The following MAPK8 variants were observed in gnomAD, a reference collection of about 807,000 sequenced individuals.
MAPK8 encodes the protein JUN N-terminal kinase.
MAPK8 carries 13 observed loss-of-function variants against 52.9 expected under a neutral mutation model. That is an observed-to-expected ratio of 0.25 (90% confidence interval 0.16 to 0.39). The LOEUF (loss-of-function observed/expected upper bound fraction) is 0.39, where lower values mean the gene tolerates loss of function less well. Among genes scored for constraint, MAPK8 ranks in the 10% least tolerant of loss-of-function variants. MAPK8 has a pLI of 1.00. For synonymous variants in MAPK8, 191 were observed against 169.8 expected (o/e 1.12, Z -0.97); for missense variants, 300 against 519.2 (o/e 0.58, Z 4.10).
At chr10:48,332,067 G>T (rs1294638033) in intron 1 of MAPK8, among the ~76,000 whole-genome samples, 1 of 152,128 alleles carries the variant, frequency 6.6e-6, no homozygotes, top group Admixed American at 6.5e-5. Flanking sequence ...GGCTCCCATT[G>T]TTTGAATCAA....
chr10:48,312,784 A>C (rs1699572718), intron 1 of MAPK8, among the ~76,000 whole-genome samples: 1 of 152,182 alleles, frequency 6.6e-6, no homozygotes, highest in Non-Finnish European at 1.5e-5. Flanking sequence ...TGAGAATTTA[A>C]AAGTCTTAAT....
At position 48,404,939 on chromosome 10, in the gene MAPK8, C is replaced by G; in HGVS notation, c.210C>G (p.Ala70=). The change falls in exon 3 of 12, where the codon GCC becomes GCG. Residue 70 remains alanine (A), a synonymous_variant. Transcript: ENST00000374189. ...PFQNQTHAKR[A]YRELVLMKCV... ...AGAATCAGACTCATGCCAAGCGGGC[C>G]TACAGAGAGCTAGTTCTTATGAAAT... 6.2e-7 allele frequency: 1 copy of G among 1,608,178 alleles called. No homozygotes were observed. Among genetic ancestry groups the G allele is most frequent in the South Asian group, 1.1e-5 (1 of 90,284 alleles).
At chr10:48,410,672 A>G (rs1047833988) in intron 5 of MAPK8, among the ~76,000 whole-genome samples, 1 of 152,224 alleles carries the variant, frequency 6.6e-6, no homozygotes, top group African/African-American at 2.4e-5. Context: ...GTGCTGAGTC[A>G]TATGGTGATT....
At chr10:48,325,059 T>G (rs1843378707) in intron 1 of MAPK8, among the ~76,000 whole-genome samples, 1 of 152,010 alleles carries the variant, frequency 6.6e-6, no homozygotes, top group Non-Finnish European at 1.5e-5. Flanking sequence ...CACTGCAACC[T>G]CCACCTCCTG....
chr10:48,415,076 G>T (rs2042991424), intron 5 of MAPK8, among the ~76,000 whole-genome samples: 1 of 151,854 alleles, frequency 6.6e-6, no homozygotes, highest in Non-Finnish European at 1.5e-5. Flanking sequence ...AATTATCATT[G>T]TAAGTGAATT....
chr10:48,326,704 G>T (rs981808744), intron 1 of MAPK8, among the ~76,000 whole-genome samples: 2 of 152,114 alleles, frequency 1.3e-5, no homozygotes, highest in African/African-American at 4.8e-5. Flanking sequence ...GTAACCATCT[G>T]TATCTATATA....
At chr10:48,371,944 A>C (rs1471725159) in intron 1 of MAPK8, among the ~76,000 whole-genome samples, 1 of 152,142 alleles carries the variant, frequency 6.6e-6, no homozygotes, top group Non-Finnish European at 1.5e-5. Context: ...TGAACAGACA[A>C]GATGCATAAC....
chr10:48,428,814 GT>G (rs199580789), intron 10 of MAPK8, among the ~76,000 whole-genome samples: 1 of 151,440 alleles, frequency 6.6e-6, no homozygotes. Context: ...TTTTTTGGTT[GT>G]TTTTTTTGTT....
intron 5 of MAPK8, among the ~76,000 whole-genome samples, chr10:48,413,904 T>C (rs1312395685): frequency 2.1e-5 from 3 of 146,098 alleles, no homozygotes; most frequent in East Asian, 4.1e-4. Flanking sequence ...TTTTACCTGC[T>C]TTTTTGCTAT....
intron 1 of MAPK8, among the ~76,000 whole-genome samples, chr10:48,360,227 A>G (rs1847396043): frequency 6.6e-6 from 1 of 152,248 alleles, no homozygotes; most frequent in Non-Finnish European, 1.5e-5. Flanking sequence ...AGAGACTTCA[A>G]AAATAGGAAA....
At chr10:48,430,077 G>C (rs977441952) in intron 10 of MAPK8, 2 of 152,168 alleles carry the variant, frequency 1.3e-5, no homozygotes, top group African/African-American at 4.8e-5. Context: ...AGAACCTTAA[G>C]AAGGTTTTTT....
chr10:48,347,509 T>C (rs1845904517), intron 1 of MAPK8, among the ~76,000 whole-genome samples: 1 of 152,204 alleles, frequency 6.6e-6, no homozygotes, highest in African/African-American at 2.4e-5. Flanking sequence ...CATCCCGTCA[T>C]CTACATTAGG....
chr10:48,388,670 A>C (rs1359942209), intron 1 of MAPK8, among the ~76,000 whole-genome samples: 3 of 152,170 alleles, frequency 2.0e-5, no homozygotes, highest in Non-Finnish European at 2.9e-5. Context: ...CAATTGTGAG[A>C]TTACAAAATA....
rs2042021912 is a variant in MAPK8 at position 48,398,940 on chromosome 10, A to G, written c.-49-2672A>G. On this transcript the variant is annotated intron_variant, in intron 1 of 11. Coordinates refer to ENST00000374189, the MANE Select transcript of MAPK8 (RefSeq NM_001323329.2). The stretch of plus-strand genomic sequence containing the variant: ...ATGATTTTCCTGATGATGGTTACGT[A>G]ATTGTATACATTAATCGAAACTCAT... Among the ~76,000 whole-genome samples, 3 of 152,170 alleles carry G rather than the reference A, an allele frequency of 2.0e-5. No homozygotes were observed. The South Asian group carries it at 6.2e-4, about 32-fold the overall frequency.
chr10:48,425,396 T>G (rs2133233437), intron 7 of MAPK8: 1 of 443,602 alleles, frequency 2.3e-6, no homozygotes, highest in Non-Finnish European at 4.0e-6. Context: ...AAATGCCACT[T>G]TTATCGAAGC....
Position 48,323,202 on chromosome 10 carries a change from A to C in MAPK8, c.-50+16381A>C, listed in dbSNP as rs553243968. Among the ~76,000 whole-genome samples the C allele has an allele frequency of 2.0e-5, 3 of 152,304 alleles. No homozygotes were observed. The East Asian group carries it at 5.8e-4, about 29-fold the overall frequency. On this transcript the variant is annotated intron_variant, in intron 1 of 11. Transcript: ENST00000374189. ...TTTTTGCAAAGTTTGGGAAAGATAA[A>C]GGTATAGGGTAACATTTTCATGTCT...
intron 10 of MAPK8, among the ~76,000 whole-genome samples, chr10:48,428,061 A>G (rs1465240545): frequency 6.6e-6 from 1 of 152,208 alleles, no homozygotes; most frequent in African/African-American, 2.4e-5. Flanking sequence ...TACTCTCCAA[A>G]GAAATGGTAG....
At chr10:48,306,996 G>A (rs1308986285) in intron 1 of MAPK8, 175 bp downstream of exon 1, 1 of 152,020 alleles carries the variant, frequency 6.6e-6, no homozygotes, top group Non-Finnish European at 1.5e-5. Flanking sequence ...GCGGAGGCGG[G>A]GGCCAGCCGA....
intron 3 of MAPK8, among the ~76,000 whole-genome samples, chr10:48,409,090 G>C (rs1365770921): frequency 6.6e-6 from 1 of 152,000 alleles, no homozygotes; most frequent in African/African-American, 2.4e-5. Context: ...ATTGTGTGGG[G>C]TGTGTGTGTG....
Sources: gnomAD v4.1 joint callset for allele counts (sites outside exome capture counted in the v4.1 genomes callset) on GRCh38, gnomAD v4.1.1 for gene constraint, MANE v1.5 for transcripts, NCBI Gene and HGNC (gene_info 2026-07-23, HGNC 2026-07-21) for gene names.